Variants in GRK3 observed in about 807,000 individuals in gnomAD.
The protein encoded by GRK3 is adrenergic, beta, receptor kinase 2.
Under a neutral mutation model 95.7 loss-of-function variants are expected in GRK3, and 54 were observed. The observed-to-expected ratio is 0.56, with a 90% CI of 0.45 to 0.71. The LOEUF (loss-of-function observed/expected upper bound fraction) is 0.71. Among genes scored for constraint, GRK3 ranks in the 30% least tolerant of loss-of-function variants. The probability of loss-of-function intolerance (pLI) is 0.00; values close to 1 mark genes in which losing one functional copy is unlikely to be tolerated. For missense variants in GRK3, 649 were observed against 851.2 expected, an observed-to-expected ratio of 0.76 and a Z score of 2.96; for synonymous variants, 281 against 290.8, an observed-to-expected ratio of 0.97 and a Z score of 0.34.
intron 2 of GRK3, among the ~76,000 whole-genome samples, chr22:25,621,116 G>A (rs1228405300): frequency 6.6e-6 from 1 of 152,264 alleles, no homozygotes; most frequent in African/African-American, 2.4e-5. Context: ...AGCAGACTTA[G>A]TGATAGTAAA....
chr22:25,687,133 TG>T (rs954497633), intron 10 of GRK3, among the ~76,000 whole-genome samples: 19 of 150,170 alleles, frequency 1.3e-4, no homozygotes, highest in African/African-American at 4.8e-4. Context: ...TTTTTTTTTT[TG>T]TTTGTTTTTT....
At chr22:25,633,308 T>G (rs1033806571) in intron 2 of GRK3, among the ~76,000 whole-genome samples, 2 of 152,192 alleles carry the variant, frequency 1.3e-5, no homozygotes, top group African/African-American at 4.8e-5. Context: ...ATATAAATTT[T>G]AGAATCCATT....
intron 10 of GRK3, among the ~76,000 whole-genome samples, chr22:25,685,754 C>A (rs1057255854): frequency 6.6e-6 from 1 of 152,042 alleles, no homozygotes; most frequent in African/African-American, 2.4e-5. Context: ...TGCTGGAAAA[C>A]GTTCAGCTAG....
intron 3 of GRK3, among the ~76,000 whole-genome samples, chr22:25,645,360 G>A (rs1274557866): frequency 2.6e-5 from 4 of 152,204 alleles, no homozygotes; most frequent in African/African-American, 9.7e-5. Flanking sequence ...TTGATTTCAG[G>A]TGTAGCAGGC....
At chr22:25,702,047 G>A (rs1429537303) in intron 13 of GRK3, among the ~76,000 whole-genome samples, 1 of 150,842 alleles carries the variant, frequency 6.6e-6, no homozygotes, top group Non-Finnish European at 1.5e-5. Flanking sequence ...TGTTTTAAAA[G>A]TTAACAAATG....
intron 2 of GRK3, among the ~76,000 whole-genome samples, chr22:25,606,293 G>A (rs2084445949): frequency 6.6e-6 from 1 of 152,238 alleles, no homozygotes; most frequent in Admixed American, 6.5e-5. Flanking sequence ...CTGAGTTTGA[G>A]CTTGGGAAGG....
intron 5 of GRK3, among the ~76,000 whole-genome samples, chr22:25,664,527 T>C (rs1189960972): frequency 6.7e-6 from 1 of 148,424 alleles, no homozygotes; most frequent in East Asian, 1.9e-4. Context: ...TTTTTTTTTT[T>C]TTTTTTTTTT....
chr22:25,694,937 G>A (rs766374756), intron 12 of GRK3, among the ~76,000 whole-genome samples, 170 bp from the exon 13 acceptor site: 4 of 152,210 alleles, frequency 2.6e-5, no homozygotes, highest in African/African-American at 7.2e-5. Flanking sequence ...AGAAAAGATC[G>A]TTTTCCCATT....
At position 25,690,280 on chromosome 22, in the gene GRK3, G is replaced by A. The variant is rs1356549800; in HGVS notation, c.1049G>A (p.Ser350Asn). 16 of 1,611,910 alleles carry A rather than the reference G, an allele frequency of 9.9e-6. No individual in the cohort carries two copies. In the African/African-American group the frequency reaches 1.2e-4, roughly 12 times the overall value. Residue 350 changes from serine to asparagine, a missense_variant, in exon 12 of 21, where the codon AGT (serine) becomes AAT (asparagine). Physicochemically the swap from Ser to Asn is conservative, Grantham distance 46. This residue lies in a region of GRK3 where 382 missense variants were observed against 493.8 expected (regional missense o/e 0.77). Transcript: ENST00000324198. ...CDFSKKKPHASVGTHGYMAPE... is the reference protein window; with the variant it reads ...CDFSKKKPHANVGTHGYMAPE... Reference sequence around the variant, plus strand: ...TTTTCCAAAAAGAAGCCTCATGCGAGTGTGTAAGTAGTGCGTCAACTTCAG... The same window carrying A: ...TTTTCCAAAAAGAAGCCTCATGCGAATGTGTAAGTAGTGCGTCAACTTCAG...
At chr22:25,634,884 A>C (rs575583392) in intron 2 of GRK3, among the ~76,000 whole-genome samples, 1 of 152,294 alleles carries the variant, frequency 6.6e-6, no homozygotes, top group African/African-American at 2.4e-5. Flanking sequence ...CTTAGTCATA[A>C]ATGAGTTTTG....
chr22:25,661,274 T>C (rs1009757141), intron 3 of GRK3, among the ~76,000 whole-genome samples: 2 of 152,228 alleles, frequency 1.3e-5, no homozygotes, highest in African/African-American at 4.8e-5. Flanking sequence ...GCATGGTCTA[T>C]GGCTCGTGTA....
intron 19 of GRK3, 26 bp downstream of exon 19, chr22:25,718,407 C>G: frequency 1.2e-6 from 2 of 1,612,358 alleles, no homozygotes; most frequent in Non-Finnish European, 1.7e-6. Context: ...CCTCACCGAG[C>G]ATGTTTCCCA....
At position 25,722,468 on chromosome 22, in the gene GRK3, G is replaced by A; in HGVS notation, c.*18G>A. 1 of 1,612,946 alleles carries A rather than the reference G, an allele frequency of 6.2e-7. No homozygotes were observed. ...GCCTCTAGCACCCAGAAACAGGGAG[G>A]GTCCTCGAGGAGGACACACCAGGGT... On this transcript the variant is annotated 3_prime_UTR_variant, in exon 21 of 21. Transcript: ENST00000324198.
intron 15 of GRK3, among the ~76,000 whole-genome samples, chr22:25,707,406 C>T (rs886255987): frequency 6.6e-6 from 1 of 152,182 alleles, no homozygotes; most frequent in African/African-American, 2.4e-5. Context: ...TTCTTTCATT[C>T]AATGTCTGTT....
chr22:25,655,310 C>T (rs1308812631), intron 3 of GRK3, among the ~76,000 whole-genome samples: 3 of 152,250 alleles, frequency 2.0e-5, no homozygotes, highest in East Asian at 1.9e-4. Context: ...AGAATGTCTA[C>T]GTTGGCCAAA....
intron 15 of GRK3, among the ~76,000 whole-genome samples, chr22:25,709,332 C>T (rs912058643): frequency 3.9e-5 from 6 of 152,212 alleles, no homozygotes; most frequent in South Asian, 4.1e-4. Flanking sequence ...CCACCACACC[C>T]GGCTAATTTT....
intron 2 of GRK3, among the ~76,000 whole-genome samples, chr22:25,629,356 T>C (rs573679474): frequency 6.6e-6 from 1 of 152,296 alleles, no homozygotes; most frequent in East Asian, 1.9e-4. Context: ...AAGGAGTCCA[T>C]GTGCAGATAC....
intron 3 of GRK3, among the ~76,000 whole-genome samples, chr22:25,657,600 A>AT (rs533826746): frequency 6.6e-6 from 1 of 151,890 alleles, no homozygotes; most frequent in South Asian, 2.1e-4. Flanking sequence ...TGTCTTGATT[A>AT]TTTTTTTCCC....
chr22:25,664,426 G>A (rs2084928167), intron 5 of GRK3, among the ~76,000 whole-genome samples: 1 of 151,164 alleles, frequency 6.6e-6, no homozygotes, highest in South Asian at 2.1e-4. Context: ...ATGTCATTGA[G>A]TAATATAATG....
Sources: gnomAD v4.1 joint callset for allele counts (sites outside exome capture counted in the v4.1 genomes callset) on GRCh38, gnomAD v4.1.1 for gene constraint, gnomAD v4.1.1 regional missense constraint, MANE v1.5 for transcripts, NCBI Gene and HGNC (gene_info 2026-07-23, HGNC 2026-07-21) for gene names.